Variants in LATS1 observed in about 807,000 individuals in gnomAD.
LATS1 encodes the protein large tumor suppressor kinase 1.
Under a neutral mutation model 106.6 loss-of-function variants are expected in LATS1, and 25 were observed. The ratio of observed to expected loss-of-function variants is 0.23; its 90% CI spans 0.17 to 0.33. The LOEUF is 0.33. LATS1 is among the 10% of genes least tolerant of loss of function. The pLI is 1.00. For synonymous variants in LATS1, 465 were observed against 455.6 expected (o/e 1.02, Z -0.26); for missense variants, 1,040 against 1,382.6 (o/e 0.75, Z 3.93).
chr6:149,704,927 C>CACACA (rs1491546457), intron 1 of LATS1, among the ~76,000 whole-genome samples: 12 of 137,244 alleles, frequency 8.7e-5, no homozygotes, highest in Non-Finnish European at 1.6e-4. Context: ...CACACACACA[C>CACACA]AATTTGCAGC....
chr6:149,701,696 A>ATT, intron 2 of LATS1, 83 bp downstream of exon 2: 1 of 943,800 alleles, frequency 1.1e-6, no homozygotes, highest in South Asian at 1.6e-5. Context: ...CCCAAAGGAA[A>ATT]CATTTTGGCA....
rs750014412 is a variant in LATS1 at position 149,662,231 on chromosome 6, T to C, written c.2891A>G (p.Asn964Ser). 1.0e-5 allele frequency: 16 copies of C among 1,586,042 alleles called. No individual in the cohort carries two copies. The highest frequency in any genetic ancestry group is 1.4e-5 in the African/African-American group (1 of 73,568). ...TGGAATGTGAAGAGATGTTTGCCAG[T>C]TGATAACCTTTAAAGATTTTTTAAA... is the stretch of plus-strand genomic sequence containing the variant. ...TPLETQMKVI[N>S]WQTSLHIPPQ... Residue 964 changes from asparagine (N) to serine (S), a missense_variant, in exon 8 of 8, where the codon AAC becomes AGC. Physicochemically the swap from Asn to Ser is conservative, Grantham distance 46. Coordinates refer to ENST00000543571, the MANE Select transcript of LATS1 (RefSeq NM_004690.4).
intron 4 of LATS1, 45 bp from the exon 5 acceptor site, chr6:149,680,502 T>C (rs1472003841): frequency 1.5e-6 from 2 of 1,326,556 alleles, no homozygotes; most frequent in Non-Finnish European, 2.1e-6. Context: ...TCTTCTTCAA[T>C]ATTGAATATT....
At chr6:149,669,987 C>G (rs931450781) in intron 7 of LATS1, among the ~76,000 whole-genome samples, 13 of 151,454 alleles carry the variant, frequency 8.6e-5, no homozygotes, top group African/African-American at 3.2e-4. Context: ...GCCTGGCCAA[C>G]ACAGTGAAAC....
At position 149,660,676 on chromosome 6, in the gene LATS1, T is replaced by C. The variant is rs1780850961; in HGVS notation, c.*1053A>G. 1 of 230,732 alleles carries C rather than the reference T, an allele frequency of 4.3e-6. No homozygotes were observed. The highest frequency in any genetic ancestry group is 8.6e-6 in the Non-Finnish European group (1 of 116,612). 14.3% of individuals were successfully genotyped at this position (230,732 alleles called of 1,614,324 possible). On this transcript the variant is annotated 3_prime_UTR_variant, in exon 8 of 8. Transcript: ENST00000543571. ...AAATAAATTAGGAGGACTTGAATTT[T>C]CTACTAAGACCACTCTGTAAACTTT...
chr6:149,659,786 G>T lies in LATS1; in HGVS notation c.*1943C>A, dbSNP rs1467325250. 1 of 225,978 alleles carries T rather than the reference G, an allele frequency of 4.4e-6. No individual in the cohort carries two copies. The highest frequency in any genetic ancestry group is 8.8e-6 in the Non-Finnish European group (1 of 113,574). 14.0% of individuals were successfully genotyped at this position (225,978 alleles called of 1,614,324 possible). A position where few individuals can be genotyped will look rare whatever the true frequency, so the allele number is the denominator to read the frequency against. On this transcript the variant is annotated 3_prime_UTR_variant, in exon 8 of 8. Transcript: ENST00000543571. ...AACCAAATGTTCCATGAACCATGAG[G>T]TGAAGACTGCGATTTCATGATAGCA...
intron 1 of LATS1, among the ~76,000 whole-genome samples, chr6:149,709,663 CTTATCTTTTTTTTT>C (rs1279483358): frequency 7.3e-6 from 1 of 136,546 alleles, no homozygotes; most frequent in Admixed American, 8.0e-5. Context: ...TCCACAACCC[CTTATCTTTTTTTTT>C]TTTTTTTTTT....
intron 7 of LATS1, among the ~76,000 whole-genome samples, chr6:149,673,696 TAG>T (rs1251679550): frequency 6.6e-6 from 1 of 150,474 alleles, no homozygotes; most frequent in Non-Finnish European, 1.5e-5. Flanking sequence ...TTTTTTGAGA[TAG>T]AGTCTCACTC....
Position 149,684,435 on chromosome 6 carries a change from A to C in LATS1, c.654T>G (p.Ser218=), listed in dbSNP as rs1233569800. 1.2e-6 allele frequency: 2 copies of C among 1,614,068 alleles called. No homozygotes were observed. The highest frequency in any genetic ancestry group is 1.7e-6 in the Non-Finnish European group (2 of 1,179,994). Residue 218 remains serine, a synonymous_variant, in exon 4 of 8, where the codon TCT becomes TCG. Coordinates refer to ENST00000543571, the MANE Select transcript of LATS1 (RefSeq NM_004690.4). Reference sequence around the variant, plus strand: ...GAGCTTGAACAAATGCTGATATACCAGATCCAGACAAAGGTCTTCCTACAT... The same window carrying C: ...GAGCTTGAACAAATGCTGATATACCCGATCCAGACAAAGGTCTTCCTACAT... ...QTDVGRPLSG[S]GISAFVQAHP... is the part of the protein sequence containing the mutation.
At chr6:149,715,552 A>G (rs373945118) in intron 1 of LATS1, among the ~76,000 whole-genome samples, 14 of 152,238 alleles carry the variant, frequency 9.2e-5, no homozygotes, top group South Asian at 6.2e-4. Context: ...TAAAATGAAC[A>G]TATGTATAAT....
At chr6:149,688,934 G>A (rs1173025327) in intron 3 of LATS1, among the ~76,000 whole-genome samples, 12 of 152,000 alleles carry the variant, frequency 7.9e-5, no homozygotes, top group African/African-American at 2.4e-4. Flanking sequence ...TTAGGAGGCC[G>A]AGGTGGGCGG....
Position 149,684,267 on chromosome 6 carries a change from T to C in LATS1, c.822A>G (p.Thr274=). The stretch of plus-strand genomic sequence containing the variant: ...ATTCCATGTTTCCAGAATAGCGCTT[T>C]GTTTGAGAGTTTGGTTCCCATGAAG... The part of the protein sequence containing the change: ...PPPSWEPNSQ[T]KRYSGNMEYV... Residue 274 remains threonine, a synonymous_variant, in exon 4 of 8, where the codon ACA becomes ACG. Transcript: ENST00000543571. 6.2e-7 allele frequency: 1 copy of C among 1,613,938 alleles called. No homozygotes were observed. The highest frequency in any genetic ancestry group is 8.5e-7 in the Non-Finnish European group (1 of 1,179,972).
At chr6:149,681,354 G>T (rs535719674) in intron 4 of LATS1, among the ~76,000 whole-genome samples, 63 of 152,270 alleles carry the variant, frequency 4.1e-4, no homozygotes, top group African/African-American at 1.5e-3. Context: ...GACTAAAATA[G>T]AACAACCACA....
intron 4 of LATS1, among the ~76,000 whole-genome samples, chr6:149,681,184 A>C (rs1352680062): frequency 1.3e-5 from 2 of 152,228 alleles, no homozygotes. Flanking sequence ...AATATCAAAA[A>C]ATAGATTAAA....
intron 1 of LATS1, among the ~76,000 whole-genome samples, chr6:149,704,927 C>CA (rs1562353909): frequency 7.3e-6 from 1 of 137,132 alleles, no homozygotes; most frequent in East Asian, 2.2e-4. Context: ...CACACACACA[C>CA]AATTTGCAGC....
At chr6:149,694,269 G>A (rs1033932751) in intron 3 of LATS1, among the ~76,000 whole-genome samples, 18 of 152,074 alleles carry the variant, frequency 1.2e-4, no homozygotes, top group Non-Finnish European at 2.5e-4. Context: ...AAATAATAAA[G>A]GAAATAAAGC....
chr6:149,700,326 A>G (rs1354943869), intron 2 of LATS1, among the ~76,000 whole-genome samples: 1 of 152,026 alleles, frequency 6.6e-6, no homozygotes, highest in Non-Finnish European at 1.5e-5. Flanking sequence ...ATACAAAAAT[A>G]GCCAGGCGTC....
chr6:149,700,236 G>A (rs1337480568), intron 2 of LATS1, among the ~76,000 whole-genome samples: 2 of 152,158 alleles, frequency 1.3e-5, no homozygotes, highest in Non-Finnish European at 2.9e-5. Context: ...AGCACTTTGG[G>A]AGGCCAAGGT....
At chr6:149,679,508 T>C (rs1392958604) in intron 5 of LATS1, among the ~76,000 whole-genome samples, 8 of 143,362 alleles carry the variant, frequency 5.6e-5, no homozygotes, top group Non-Finnish European at 3.0e-5. Context: ...GCCAAGATGG[T>C]GCCACTGCAC....
Sources: gnomAD v4.1 joint callset for allele counts (sites outside exome capture counted in the v4.1 genomes callset) on GRCh38, gnomAD v4.1.1 for gene constraint, MANE v1.5 for transcripts, NCBI Gene and HGNC (gene_info 2026-07-23, HGNC 2026-07-21) for gene names.